MARCHF3: variants seen among roughly 807,000 people sequenced by gnomAD.
The protein encoded by MARCHF3 is membrane associated ring-CH-type finger 3, also known as E3 ubiquitin-protein ligase MARCHF3.
A neutral mutation model predicts 24.2 loss-of-function variants in MARCHF3; 13 were observed. The observed-to-expected ratio is 0.54, with a 90% CI of 0.35 to 0.85. The LOEUF is 0.85. Ranked by LOEUF, MARCHF3 falls within the 40% of genes least tolerant of loss-of-function variation. The pLI is 0.01. For synonymous variants in MARCHF3, 144 were observed against 137.3 expected (o/e 1.05, Z -0.34); for missense variants, 276 against 325.0 (o/e 0.85, Z 1.16).
chr5:126,904,564 G>C (rs1331900856), intron 3 of MARCHF3, among the ~76,000 whole-genome samples: 1 of 149,972 alleles, frequency 6.7e-6, no homozygotes, highest in African/African-American at 2.5e-5. Context: ...CTGATGGCCA[G>C]TGATGGTGAG....
chr5:127,004,327 G>A (rs143983316), intron 1 of MARCHF3, among the ~76,000 whole-genome samples: 12 of 152,212 alleles, frequency 7.9e-5, no homozygotes, highest in Middle Eastern at 3.4e-3. Flanking sequence ...GCCCATTTCC[G>A]TGTGCTGCTC....
chr5:126,906,211 G>A (rs1302076466), intron 3 of MARCHF3, among the ~76,000 whole-genome samples: 9 of 148,610 alleles, frequency 6.1e-5, no homozygotes, highest in African/African-American at 1.0e-4. Flanking sequence ...TGCTGGATTC[G>A]GTTTGCCAGT....
Position 126,915,149 on chromosome 5 carries a change from G to C in MARCHF3, c.189-15C>G. 1 of 1,611,552 alleles carries C rather than the reference G, an allele frequency of 6.2e-7. No homozygotes were observed. The highest frequency in any genetic ancestry group is 8.5e-7 in the Non-Finnish European group (1 of 1,179,444). The stretch of plus-strand genomic sequence containing the variant: ...CATTGAAGGGGCTGCAAGAGAAGGA[G>C]GGGCACCTGCTGGTCACTGGGCTGG... On this transcript the variant is annotated splice_polypyrimidine_tract_variant and intron_variant, in intron 2 of 4. Transcript: ENST00000308660.
In MARCHF3 at chr5:126,985,477, T is replaced by A. The variant is rs1416233117; in HGVS notation, c.-57+44873A>T. On this transcript the variant is annotated intron_variant, in intron 1 of 4. Transcript: ENST00000308660. ...TTAATCTGGATGAACTTTTATTTTT[T>A]TTTTTTTTTTGAGACGGAGTCTCAC... is the stretch of plus-strand genomic sequence containing the variant. Among the ~76,000 whole-genome samples the A allele has an allele frequency of 6.6e-5, 10 of 150,580 alleles. No individual in the cohort carries two copies. In the East Asian group the frequency reaches 1.8e-3, roughly 26 times the overall value.
chr5:126,931,346 T>C (rs1381060155), intron 1 of MARCHF3, among the ~76,000 whole-genome samples: 1 of 152,182 alleles, frequency 6.6e-6, no homozygotes, highest in African/African-American at 2.4e-5. Flanking sequence ...CTTTCACGCA[T>C]TTTGAAAAAG....
In MARCHF3 at chr5:126,915,076, A is replaced by G; in HGVS notation, c.247T>C (p.Leu83=). ...CCTGTACATTCACATGGAGAGAGCA[A>G]GTCCTCTTGGCTGCTGCCCTCGTGG... The part of the protein sequence containing the change: ...ICHEGSSQED[L]LSPCECTGTL... Residue 83 remains leucine (L), a synonymous_variant, in exon 3 of 5, where the codon TTG becomes CTG. Coordinates refer to ENST00000308660, the MANE Select transcript of MARCHF3 (RefSeq NM_178450.5). The G allele has an allele frequency of 1.2e-6, 2 of 1,614,192 alleles. No individual in the cohort carries two copies. Among genetic ancestry groups the G allele is most frequent in the Non-Finnish European group, 1.7e-6 (2 of 1,180,038 alleles).
chr5:126,874,739 A>G (rs1753090290), intron 4 of MARCHF3, among the ~76,000 whole-genome samples: 1 of 152,134 alleles, frequency 6.6e-6, no homozygotes, highest in Non-Finnish European at 1.5e-5. Context: ...CAGCTCACCT[A>G]TCTATCTCTG....
chr5:127,019,102 C>T (rs1301022490), intron 1 of MARCHF3, among the ~76,000 whole-genome samples: 7 of 152,026 alleles, frequency 4.6e-5, no homozygotes, highest in Non-Finnish European at 1.0e-4. Context: ...TTATTTAGTA[C>T]AAATAGATAT....
chr5:126,986,127 C>G (rs959382203), intron 1 of MARCHF3, among the ~76,000 whole-genome samples: 2 of 152,098 alleles, frequency 1.3e-5, no homozygotes, highest in African/African-American at 4.8e-5. Flanking sequence ...AAATAAAGAG[C>G]GCAGAAGTAG....
At chr5:126,996,753 T>C (rs1751959995) in intron 1 of MARCHF3, among the ~76,000 whole-genome samples, 1 of 151,750 alleles carries the variant, frequency 6.6e-6, no homozygotes. Context: ...AACAGGGAAC[T>C]GATTAAATCA....
At chr5:126,905,997 C>T (rs1451122955) in intron 3 of MARCHF3, among the ~76,000 whole-genome samples, 4 of 151,656 alleles carry the variant, frequency 2.6e-5, no homozygotes, top group Non-Finnish European at 4.4e-5. Context: ...CCCATCAATA[C>T]CTAATTTATT....
rs73786243 is a variant in MARCHF3 at position 126,969,993 on chromosome 5, C to G, written c.-56-51766G>C. 8.9e-3 allele frequency among the ~76,000 whole-genome samples: 1,349 copies of G among 152,288 alleles called. 20 individuals carry two copies. The highest frequency in any genetic ancestry group is 0.025 in the East Asian group (132 of 5,194). On this transcript the variant is annotated intron_variant, in intron 1 of 4. Coordinates refer to ENST00000308660, the MANE Select transcript of MARCHF3 (RefSeq NM_178450.5). ...ATAATCTACTGAGAAATTCAAGAGGCTGTAAGTATCCCAATTTCATTAAAA... is the reference window on the plus strand; with the variant it reads ...ATAATCTACTGAGAAATTCAAGAGGGTGTAAGTATCCCAATTTCATTAAAA...
chr5:126,902,725 T>C (rs1754150242), intron 3 of MARCHF3, among the ~76,000 whole-genome samples: 1 of 152,152 alleles, frequency 6.6e-6, no homozygotes, highest in African/African-American at 2.4e-5. Context: ...ACAGCTTCTT[T>C]GTATTTAAGC....
At chr5:126,895,624 G>T (rs1036822241) in intron 3 of MARCHF3, among the ~76,000 whole-genome samples, 3 of 152,086 alleles carry the variant, frequency 2.0e-5, no homozygotes, top group Non-Finnish European at 2.9e-5. Context: ...TATGCTGCTC[G>T]GGGGTCAGGG....
At chr5:126,909,148 G>C (rs1222519183) in intron 3 of MARCHF3, among the ~76,000 whole-genome samples, 1 of 152,198 alleles carries the variant, frequency 6.6e-6, no homozygotes, top group Non-Finnish European at 1.5e-5. Context: ...CAGGGGTCAG[G>C]GACCCACTTG....
intron 1 of MARCHF3, among the ~76,000 whole-genome samples, chr5:126,990,959 A>C (rs1183331478): frequency 1.3e-5 from 2 of 152,214 alleles, no homozygotes; most frequent in Non-Finnish European, 2.9e-5. Flanking sequence ...GGGAGTGTAG[A>C]TTAGTTCAAC....
Position 126,870,310 on chromosome 5 carries a change from A to C in MARCHF3, c.*323T>G, listed in dbSNP as rs1645045089. 5.2e-6 allele frequency: 1 copy of C among 191,122 alleles called. No homozygotes were observed. Among genetic ancestry groups the C allele is most frequent in the South Asian group, 1.4e-4 (1 of 7,096 alleles). The allele number at this position is 191,122 out of a possible 1,614,324, so 11.8% of individuals were successfully genotyped here. ...GTGTTTGAAATAGTAATAAAAAAGGAAGAATTGAATTGCATCCGTAGCAGG... is the reference window on the plus strand; with the variant it reads ...GTGTTTGAAATAGTAATAAAAAAGGCAGAATTGAATTGCATCCGTAGCAGG... On this transcript the variant is annotated 3_prime_UTR_variant, in exon 5 of 5. Coordinates refer to ENST00000308660, the MANE Select transcript of MARCHF3 (RefSeq NM_178450.5).
chr5:126,983,888 G>C lies in MARCHF3; in HGVS notation c.-57+46462C>G, dbSNP rs1378123173. On this transcript the variant is annotated intron_variant, in intron 1 of 4. Transcript: ENST00000308660. ...GCTTCCTTCATCTTTTTCATGTTTA[G>C]TGTTGGCTATTTTTTCCCAACTCCA... Among the ~76,000 whole-genome samples the C allele has an allele frequency of 2.6e-5, 4 of 152,094 alleles. No homozygotes were observed. In the East Asian group the frequency reaches 5.8e-4, roughly 22 times the overall value.
intron 3 of MARCHF3, among the ~76,000 whole-genome samples, chr5:126,882,800 C>T (rs576562266): frequency 2.8e-4 from 43 of 152,320 alleles, no homozygotes; most frequent in African/African-American, 1.0e-3. Context: ...ATCTTATACG[C>T]TACATCTAAT....
Sources: gnomAD v4.1 joint callset for allele counts (sites outside exome capture counted in the v4.1 genomes callset) on GRCh38, gnomAD v4.1.1 for gene constraint, MANE v1.5 for transcripts, NCBI Gene and HGNC (gene_info 2026-07-23, HGNC 2026-07-21) for gene names.